The following VWA8 variants were observed in gnomAD, a reference collection of about 807,000 sequenced individuals.
The protein encoded by VWA8 is von Willebrand factor A domain-containing protein 8.
VWA8 carries 221 observed loss-of-function variants against 241.5 expected under a neutral mutation model. That is an observed-to-expected ratio of 0.91 (90% CI 0.82 to 1.02). The LOEUF (loss-of-function observed/expected upper bound fraction) is 1.02, where lower values mean the gene tolerates loss of function less well. Among genes scored for constraint, VWA8 ranks in the 50% least tolerant of loss-of-function variants. The pLI, the probability that VWA8 is intolerant of heterozygous loss-of-function variation, is 0.00. For missense variants in VWA8, 2,322 were observed against 2,328.7 expected, an observed-to-expected ratio of 1.00 and a Z score of 0.06; for synonymous variants, 852 against 827.1, an observed-to-expected ratio of 1.03 and a Z score of -0.52.
chr13:41,578,015 A>G (rs1050012716), intron 42 of VWA8, among the ~76,000 whole-genome samples: 1 of 152,208 alleles, frequency 6.6e-6, no homozygotes, highest in Non-Finnish European at 1.5e-5. Context: ...TCCATCTATC[A>G]TTTGATTGTG....
rs893250066 is a variant in VWA8 at position 41,575,844 on chromosome 13, T to C, written c.5272-6A>G. On this transcript the variant is annotated splice_region_variant and splice_polypyrimidine_tract_variant and intron_variant, in intron 42 of 44. Transcript: ENST00000379310. ...GAGTGTCCAACGATGTCATACTACATGCAAGAGAACCAGAAAGTTATAAAC... is the reference window on the plus strand; with the variant it reads ...GAGTGTCCAACGATGTCATACTACACGCAAGAGAACCAGAAAGTTATAAAC... 2.5e-6 allele frequency: 4 copies of C among 1,600,586 alleles called. No individual in the cohort carries two copies. The highest frequency in any genetic ancestry group is 3.4e-6 in the Non-Finnish European group (4 of 1,173,204).
chr13:41,751,642 T>G (rs2045656824), intron 21 of VWA8, among the ~76,000 whole-genome samples: 1 of 147,420 alleles, frequency 6.8e-6, no homozygotes, highest in South Asian at 2.3e-4. Context: ...TTGTAAAGCA[T>G]GTCATCATTC....
chr13:41,770,823 A>G (rs150350005), intron 20 of VWA8, among the ~76,000 whole-genome samples: 129 of 151,534 alleles, frequency 8.5e-4, no homozygotes, highest in African/African-American at 3.0e-3. Context: ...ATGGATGGGA[A>G]TACAAGAAAA....
At chr13:41,906,858 T>C (rs985199872) in intron 4 of VWA8, among the ~76,000 whole-genome samples, 10 of 152,154 alleles carry the variant, frequency 6.6e-5, no homozygotes, top group African/African-American at 2.2e-4. Context: ...TACTGGACAT[T>C]AGCAAATTCT....
intron 12 of VWA8, among the ~76,000 whole-genome samples, chr13:41,836,984 T>G (rs1327744866): frequency 1.3e-5 from 2 of 152,154 alleles, no homozygotes; most frequent in Non-Finnish European, 2.9e-5. Flanking sequence ...TATACCATCA[T>G]ATTAGAAAGA....
intron 12 of VWA8, among the ~76,000 whole-genome samples, chr13:41,844,070 A>G (rs1482019507): frequency 6.6e-6 from 1 of 152,234 alleles, no homozygotes; most frequent in Non-Finnish European, 1.5e-5. Context: ...CTTGAGGAAC[A>G]TGGACACAAA....
intron 35 of VWA8, among the ~76,000 whole-genome samples, chr13:41,684,515 G>A (rs1467645588): frequency 2.6e-5 from 4 of 152,140 alleles, no homozygotes; most frequent in Non-Finnish European, 5.9e-5. Context: ...AGTTATTTTA[G>A]TTCTGTGTCA....
chr13:41,912,436 CAAAG>C (rs1482642353), intron 2 of VWA8, among the ~76,000 whole-genome samples: 2 of 152,032 alleles, frequency 1.3e-5, no homozygotes, highest in African/African-American at 4.8e-5. Context: ...TATAATATCA[CAAAG>C]AATTACATAT....
At chr13:41,609,803 A>T (rs1593648007) in intron 39 of VWA8, among the ~76,000 whole-genome samples, 1 of 152,080 alleles carries the variant, frequency 6.6e-6, no homozygotes, top group East Asian at 1.9e-4. Context: ...ATTCTCTTTT[A>T]CTTCAACTGA....
chr13:41,882,444 A>C (rs1874278929), intron 9 of VWA8, among the ~76,000 whole-genome samples: 2 of 152,176 alleles, frequency 1.3e-5, no homozygotes, highest in South Asian at 4.1e-4. Flanking sequence ...TTGGGAGGCC[A>C]AGGCAGGCAG....
At chr13:41,613,591 G>A (rs757712209) in intron 38 of VWA8, among the ~76,000 whole-genome samples, 6 of 152,164 alleles carry the variant, frequency 3.9e-5, no homozygotes, top group Non-Finnish European at 7.3e-5. Flanking sequence ...CACCTGAGTC[G>A]CAGGGCCCCA....
chr13:41,960,907 CG>C lies in VWA8; in HGVS notation c.108del (p.Asp37ThrfsTer31). 1 of 1,512,658 alleles carries C rather than the reference CG, an allele frequency of 6.6e-7. No homozygotes were observed. The highest frequency in any genetic ancestry group is 8.8e-7 in the Non-Finnish European group (1 of 1,136,980). 93.7% of individuals were successfully genotyped at this position (1,512,658 alleles called of 1,614,324 possible). A position where few individuals can be genotyped will look rare whatever the true frequency, so the allele number is the denominator to read the frequency against. ...AGTCTGACCTCCGGCCGCTGCCTGT[CG>C]CCACCCGGCCTGCGCTGCACCACCT... ...LRQVVQRRPGGDRQRPEVRLL... is the reference protein window; with the variant it reads ...LRQVVQRRPGXDRQRPEVRLL... On this transcript the variant is annotated frameshift_variant, in exon 1 of 45. Coordinates refer to ENST00000379310, the MANE Select transcript of VWA8 (RefSeq NM_015058.2). LOFTEE classifies it high-confidence loss of function.
intron 17 of VWA8, among the ~76,000 whole-genome samples, chr13:41,801,198 G>T (rs1869944369): frequency 6.6e-6 from 1 of 150,420 alleles, no homozygotes; most frequent in African/African-American, 2.4e-5. Context: ...CAACTACCAG[G>T]GCATATCTAA....
intron 5 of VWA8, among the ~76,000 whole-genome samples, chr13:41,890,605 A>G (rs1354144117): frequency 1.3e-5 from 2 of 152,228 alleles, no homozygotes; most frequent in Non-Finnish European, 2.9e-5. Flanking sequence ...TTCATTCAAC[A>G]AATAGTTTTT....
intron 26 of VWA8, among the ~76,000 whole-genome samples, chr13:41,712,501 T>C (rs2045324882): frequency 1.3e-5 from 2 of 152,214 alleles, no homozygotes; most frequent in Admixed American, 6.5e-5. Context: ...ATTAAAAGAA[T>C]AGGCCTAGTC....
chr13:41,947,923 C>A (rs1182793052), intron 2 of VWA8, among the ~76,000 whole-genome samples: 1 of 112,808 alleles, frequency 8.9e-6, no homozygotes, highest in Admixed American at 1.2e-4. Flanking sequence ...CAAAGTGAGA[C>A]CCTGTCTCAA....
At chr13:41,882,135 C>A (rs1232304842) in intron 9 of VWA8, among the ~76,000 whole-genome samples, 3 of 150,652 alleles carry the variant, frequency 2.0e-5, no homozygotes, top group African/African-American at 7.4e-5. Flanking sequence ...GGGGTCGCGG[C>A]CGGGTGGAGG....
intron 35 of VWA8, among the ~76,000 whole-genome samples, chr13:41,676,645 T>G (rs1317340277): frequency 2.6e-5 from 4 of 152,136 alleles, no homozygotes. Flanking sequence ...TTTGTTTGTT[T>G]TTTGGAGACA....
intron 35 of VWA8, 104 bp from the exon 36 acceptor site, chr13:41,675,400 G>C: frequency 1.4e-6 from 1 of 733,132 alleles, no homozygotes; most frequent in Non-Finnish European, 2.3e-6. Flanking sequence ...TAGAACGCTG[G>C]GATCTACTTG....
Sources: allele counts gnomAD v4.1 joint callset (sites outside exome capture counted in the v4.1 genomes callset), GRCh38; gene constraint gnomAD v4.1.1; transcripts MANE v1.5; gene names NCBI Gene and HGNC (gene_info 2026-07-23, HGNC 2026-07-21).